CFAP47: variants seen among roughly 807,000 people sequenced by gnomAD.
The protein encoded by CFAP47 is cilia- and flagella-associated protein 47.
A neutral mutation model predicts 148.1 loss-of-function variants in CFAP47; 29 were observed. The ratio of observed to expected loss-of-function variants is 0.20; its 90% CI spans 0.15 to 0.27. The LOEUF (loss-of-function observed/expected upper bound fraction) is 0.27. Ranked by LOEUF, CFAP47 falls within the 10% of genes least tolerant of loss-of-function variation. The pLI is 1.00. For synonymous variants in CFAP47, 664 were observed against 577.3 expected (o/e 1.15, Z -2.15); for missense variants, 1,872 against 1,697.5 (o/e 1.10, Z -1.81).
intron 62 of CFAP47, chrX:36,367,774 T>C (rs782644600): frequency 8.9e-6 from 1 of 111,745 alleles, no homozygotes; most frequent in African/African-American, 3.2e-5. Context: ...TCATTACCAG[T>C]CTCAGTCAAC....
chrX:35,963,939 C>T (rs1053960874), intron 8 of CFAP47, among the ~76,000 whole-genome samples: 2 of 111,433 alleles, frequency 1.8e-5, no homozygotes, highest in Non-Finnish European at 3.8e-5. Flanking sequence ...CTCATCCATA[C>T]TCTAATACTT....
At chrX:36,065,520 AG>A (rs1937629754) in intron 26 of CFAP47, 122 bp from the exon 27 acceptor site, 1 of 448,007 alleles carries the variant, frequency 2.2e-6, no homozygotes, top group South Asian at 3.6e-5. Flanking sequence ...AAACAAAGTA[AG>A]TAGAAAGAAA....
At chrX:36,060,742 C>A (rs1277991957) in intron 26 of CFAP47, among the ~76,000 whole-genome samples, 1 of 111,070 alleles carries the variant, frequency 9.0e-6, no homozygotes, top group Non-Finnish European at 1.9e-5. Flanking sequence ...GAAATTGGTT[C>A]ATAGCACATA....
intron 55 of CFAP47, 106 bp from the exon 56 acceptor site, chrX:36,310,727 C>T: frequency 7.5e-6 from 3 of 402,448 alleles, no homozygotes; most frequent in Non-Finnish European, 1.2e-5. Context: ...AACAACAAAA[C>T]TTTTCTTATC....
At chrX:36,270,764 A>G (rs1252176779) in intron 49 of CFAP47, among the ~76,000 whole-genome samples, 2 of 107,086 alleles carry the variant, frequency 1.9e-5, no homozygotes, top group Non-Finnish European at 3.8e-5. Flanking sequence ...CATATTCTGG[A>G]CACAAATCCT....
At chrX:35,990,072 G>A (rs1233147539) in intron 16 of CFAP47, 1 of 111,563 alleles carries the variant, frequency 9.0e-6, no homozygotes, top group Non-Finnish European at 1.9e-5. Context: ...TTCTATTGAA[G>A]TATAACATGC....
intron 39 of CFAP47, among the ~76,000 whole-genome samples, chrX:36,173,364 CT>C (rs1939615498): frequency 9.0e-6 from 1 of 111,450 alleles, no homozygotes; most frequent in Non-Finnish European, 1.9e-5. Flanking sequence ...TTTGCTCTTG[CT>C]TTTCTAGTTC....
intron 33 of CFAP47, among the ~76,000 whole-genome samples, chrX:36,110,851 T>C (rs1467323909): frequency 1.8e-5 from 2 of 111,900 alleles, no homozygotes; most frequent in African/African-American, 6.5e-5. Context: ...AGGTGTTTTA[T>C]ACTTTTTGTG....
intron 49 of CFAP47, among the ~76,000 whole-genome samples, chrX:36,253,101 AT>A (rs1940711891): frequency 8.9e-6 from 1 of 112,058 alleles, no homozygotes; most frequent in South Asian, 3.6e-4. Flanking sequence ...TTCAATACAT[AT>A]TTTTACTATT....
Position 36,037,751 on chromosome X carries a change from A to G in CFAP47, c.3812-1233A>G, listed in dbSNP as rs748238060. 2.7e-5 allele frequency among the ~76,000 whole-genome samples: 3 copies of G among 111,052 alleles called. No individual in the cohort carries two copies. In the South Asian group the frequency reaches 1.2e-3, roughly 43 times the overall value. ...CCTTTCAAAATCCAGAATTCAATAA[A>G]TCTTAAAACCTTCCCTAACTCTGAA... On this transcript the variant is annotated intron_variant, in intron 24 of 63. Transcript: ENST00000378653.
intron 15 of CFAP47, among the ~76,000 whole-genome samples, chrX:35,988,399 C>G (rs1197450075): frequency 8.9e-6 from 1 of 111,810 alleles, no homozygotes; most frequent in Non-Finnish European, 1.9e-5. Context: ...TGTTGGCATT[C>G]AAGAGTATTA....
At chrX:36,121,002 CTT>C (rs1168416858) in intron 33 of CFAP47, among the ~76,000 whole-genome samples, 2 of 111,782 alleles carry the variant, frequency 1.8e-5, no homozygotes, top group African/African-American at 3.2e-5. Flanking sequence ...ATATCTCTCT[CTT>C]AAGCTCTAAT....
intron 50 of CFAP47, among the ~76,000 whole-genome samples, chrX:36,284,796 T>C (rs369144319): frequency 7.2e-5 from 8 of 111,435 alleles, no homozygotes; most frequent in African/African-American, 2.6e-4. Context: ...CTTTTAAACA[T>C]GACAATACTG....
intron 21 of CFAP47, among the ~76,000 whole-genome samples, chrX:36,005,097 T>G (rs73468948): frequency 7.2e-4 from 80 of 111,283 alleles, no homozygotes; most frequent in African/African-American, 2.5e-3. Context: ...TCTTTTTATC[T>G]TGGTCAGCAT....
intron 63 of CFAP47, among the ~76,000 whole-genome samples, chrX:36,382,733 G>A (rs782621471): frequency 9.0e-6 from 1 of 111,555 alleles, no homozygotes; most frequent in Admixed American, 9.6e-5. Context: ...CAACCTGAAT[G>A]TGGAAGTTTC....
At chrX:36,324,308 TCTGA>T (rs1395934044) in intron 57 of CFAP47, among the ~76,000 whole-genome samples, 4 of 111,795 alleles carry the variant, frequency 3.6e-5, no homozygotes, top group Non-Finnish European at 5.7e-5. Flanking sequence ...TACTGGGTCA[TCTGA>T]CTAACATTTA....
intron 62 of CFAP47, among the ~76,000 whole-genome samples, chrX:36,374,118 G>C (rs184343913): frequency 4.2e-4 from 47 of 110,995 alleles, no homozygotes; most frequent in Non-Finnish European, 7.9e-4. Context: ...ATAAGGACTG[G>C]TATTAAATCT....
intron 26 of CFAP47, among the ~76,000 whole-genome samples, chrX:36,052,791 G>A (rs145880988): frequency 0.011 from 1,245 of 112,469 alleles, 17 homozygotes; most frequent in African/African-American, 0.039. Flanking sequence ...AGAAAGAATT[G>A]AGGAATAATG....
chrX:36,354,413 G>A (rs1260780460), intron 60 of CFAP47, among the ~76,000 whole-genome samples: 2 of 104,532 alleles, frequency 1.9e-5, no homozygotes, highest in Non-Finnish European at 3.9e-5. Flanking sequence ...CCTGGGAGGC[G>A]GAGGTTGCAG....
Sources: gnomAD v4.1 joint callset for allele counts (sites outside exome capture counted in the v4.1 genomes callset) on GRCh38, gnomAD v4.1.1 for gene constraint, MANE v1.5 for transcripts, NCBI Gene and HGNC (gene_info 2026-07-23, HGNC 2026-07-21) for gene names.